SPMIP2: variants seen among roughly 807,000 people sequenced by gnomAD.
The protein encoded by SPMIP2 is sperm microtubule inner protein 2.
At chr4:158,900,901 C>T in the SPMIP2 span, among the ~76,000 whole-genome samples, 7 of 152,074 alleles carry the variant, frequency 4.6e-5, no homozygotes, top group South Asian at 1.0e-3. Flanking sequence ...TTTTTTTGCC[C>T]GTTAGTTGAT....
the SPMIP2 span, among the ~76,000 whole-genome samples, chr4:158,919,325 C>G: frequency 6.6e-6 from 1 of 152,066 alleles, no homozygotes; most frequent in Non-Finnish European, 1.5e-5. Context: ...TTCAGAATCA[C>G]GTGTTACATT....
chr4:158,994,902 C>T, the SPMIP2 span, among the ~76,000 whole-genome samples: 12 of 152,204 alleles, frequency 7.9e-5, no homozygotes, highest in African/African-American at 2.6e-4. Context: ...ACTCATGGCC[C>T]GGAAAATTTT....
At chr4:159,075,461 C>T in the SPMIP2 span, among the ~76,000 whole-genome samples, 1 of 152,084 alleles carries the variant, frequency 6.6e-6, no homozygotes. Context: ...TGTATTGGAT[C>T]ATTTTGTAAT....
At chr4:159,007,194 C>G in the SPMIP2 span, 1 of 1,279,134 alleles carries the variant, frequency 7.8e-7, no homozygotes, top group Non-Finnish European at 1.1e-6. Context: ...AGAATCTTTT[C>G]CAGGAGGCTG....
the SPMIP2 span, among the ~76,000 whole-genome samples, chr4:159,072,260 G>A: frequency 2.6e-5 from 4 of 152,174 alleles, no homozygotes; most frequent in Non-Finnish European, 4.4e-5. Context: ...GCTGCAGTGA[G>A]CTGTGATTGC....
chr4:159,007,229 C>A, the SPMIP2 span: 2 of 1,382,448 alleles, frequency 1.4e-6, no homozygotes, highest in Admixed American at 1.7e-5. Flanking sequence ...AGATTCTTGC[C>A]ACAGAAAATC....
At chr4:159,013,852 A>G in the SPMIP2 span, among the ~76,000 whole-genome samples, 1 of 19,182 alleles carries the variant, frequency 5.2e-5, no homozygotes, top group Non-Finnish European at 1.3e-4. Flanking sequence ...GCCAGTCACA[A>G]AAAGACAAAT....
chr4:158,976,084 G>C, the SPMIP2 span, among the ~76,000 whole-genome samples: 2 of 151,756 alleles, frequency 1.3e-5, no homozygotes, highest in African/African-American at 4.8e-5. Flanking sequence ...GTTCACTCAT[G>C]ATTTGGCTAT....
chr4:158,987,784 A>G, the SPMIP2 span, among the ~76,000 whole-genome samples: 1 of 152,108 alleles, frequency 6.6e-6, no homozygotes, highest in East Asian at 1.9e-4. Context: ...TATAATAATA[A>G]TAAAATAAAA....
At chr4:159,027,679 T>A in the SPMIP2 span, among the ~76,000 whole-genome samples, 1 of 152,230 alleles carries the variant, frequency 6.6e-6, no homozygotes, top group Non-Finnish European at 1.5e-5. Flanking sequence ...CACTGGCAAT[T>A]CAGTGTGAAG....
At chr4:158,977,200 G>T in the SPMIP2 span, among the ~76,000 whole-genome samples, 1 of 152,212 alleles carries the variant, frequency 6.6e-6, no homozygotes, top group African/African-American at 2.4e-5. Context: ...CCCCCTGGTA[G>T]AATTCGGCTG....
chr4:159,079,248 C>G, the SPMIP2 span, among the ~76,000 whole-genome samples: 1 of 152,052 alleles, frequency 6.6e-6, no homozygotes, highest in African/African-American at 2.4e-5. Context: ...AGAGGTGTGG[C>G]CTTTAGGGAG....
chr4:158,917,025 C>G, the SPMIP2 span, among the ~76,000 whole-genome samples: 1 of 152,078 alleles, frequency 6.6e-6, no homozygotes, highest in Non-Finnish European at 1.5e-5. Context: ...CTCAGGCAGG[C>G]AGAACACGAG....
the SPMIP2 span, among the ~76,000 whole-genome samples, chr4:159,020,765 GTTGTTT>G: frequency 6.6e-6 from 1 of 152,072 alleles, no homozygotes; most frequent in African/African-American, 2.4e-5. Context: ...CGTTGTTGTT[GTTGTTT>G]TTGTTGTTGA....
the SPMIP2 span, among the ~76,000 whole-genome samples, chr4:159,065,222 G>A: frequency 4.4e-3 from 664 of 152,246 alleles, 7 homozygotes; most frequent in African/African-American, 0.015. Context: ...AATGAATAGA[G>A]ACCAAATGGC....
chr4:158,983,501 A>G, the SPMIP2 span, among the ~76,000 whole-genome samples: 1 of 151,270 alleles, frequency 6.6e-6, no homozygotes, highest in Non-Finnish European at 1.5e-5. Flanking sequence ...ACTGGGGGCC[A>G]ATATTCAATA....
At chr4:158,986,518 A>AAAAC in the SPMIP2 span, among the ~76,000 whole-genome samples, 94,560 of 150,432 alleles carry the variant, frequency 0.63, 30,010 homozygotes, top group Middle Eastern at 0.7. Flanking sequence ...AAACTTGAGA[A>AAAAC]AAGCAATGGA....
At chr4:158,949,280 T>G in the SPMIP2 span, among the ~76,000 whole-genome samples, 5 of 152,244 alleles carry the variant, frequency 3.3e-5, no homozygotes, top group African/African-American at 1.2e-4. Flanking sequence ...TCCTGGTGAC[T>G]CATTGATTAG....
chr4:158,904,679 T>A, the SPMIP2 span: 1 of 749,890 alleles, frequency 1.3e-6, no homozygotes, highest in Non-Finnish European at 2.2e-6. Flanking sequence ...TTTTGTTTTG[T>A]GTTTTTGCTG....
Sources: gnomAD v4.1 joint callset for allele counts (sites outside exome capture counted in the v4.1 genomes callset) on GRCh38, gnomAD v4.1.1 for gene constraint, MANE v1.5 for transcripts, NCBI Gene and HGNC (gene_info 2026-07-23, HGNC 2026-07-21) for gene names.